RBFOX3: variants seen among roughly 807,000 people sequenced by gnomAD.
The protein encoded by RBFOX3 is RNA binding protein fox-1 homolog 3.
In RBFOX3, 17 loss-of-function variants were observed where a neutral mutation model predicts 48.7. The ratio of observed to expected loss-of-function variants is 0.35; its 90% CI spans 0.24 to 0.52. The LOEUF is 0.52. Ranked by LOEUF, RBFOX3 falls within the 20% of genes least tolerant of loss-of-function variation. RBFOX3 has a pLI of 0.94. For synonymous variants in RBFOX3, 212 were observed against 209.5 expected (o/e 1.01, Z -0.10); for missense variants, 382 against 497.5 (o/e 0.77, Z 2.21).
chr17:79,263,174 T>G (rs1188175021), intron 3 of RBFOX3, among the ~76,000 whole-genome samples: 1 of 152,212 alleles, frequency 6.6e-6, no homozygotes, highest in African/African-American at 2.4e-5. Flanking sequence ...CCCCCCCGGC[T>G]GTGCTGCCTC....
chr17:79,494,853 G>A (rs1319227378), intron 1 of RBFOX3, among the ~76,000 whole-genome samples: 2 of 152,194 alleles, frequency 1.3e-5, no homozygotes, highest in African/African-American at 4.8e-5. Flanking sequence ...GCCACAGCCT[G>A]AGATAGCCAC....
At chr17:79,565,211 G>C (rs2092410726) in intron 1 of RBFOX3, among the ~76,000 whole-genome samples, 1 of 152,042 alleles carries the variant, frequency 6.6e-6, no homozygotes, top group Admixed American at 6.5e-5. Flanking sequence ...GAAGATTAAG[G>C]TAAGGTTATG....
rs11330992 is a variant in RBFOX3 at position 79,390,478 on chromosome 17, CT to C, written c.-174-82655del. On this transcript the variant is annotated intron_variant, in intron 2 of 14. Coordinates refer to ENST00000693108, the MANE Select transcript of RBFOX3 (RefSeq NM_001350451.2). This position sits in a 1 kb window ranked among gnomAD's most constrained non-coding sequence, Gnocchi z 4.2. ...TGGAAATACAGTCTTTGCGCCACTG[CT>C]TTTTTTTTTTTTTTTTAGATGGAGT... 0.53 allele frequency among the ~76,000 whole-genome samples: 75,265 copies of C among 141,126 alleles called. 20,273 individuals carry two copies. Among genetic ancestry groups the C allele is most frequent in the Middle Eastern group, 0.65 (173 of 266 alleles). The allele number at this position is 141,126 out of a possible 152,430, so 92.6% of individuals were successfully genotyped here.
chr17:79,135,136 C>T (rs1399773675), intron 4 of RBFOX3: 2 of 152,276 alleles, frequency 1.3e-5, no homozygotes, highest in Non-Finnish European at 2.9e-5. Flanking sequence ...GCAGCAGGTG[C>T]TCTCTGCTTC....
chr17:79,510,583 A>G (rs1180489086), intron 1 of RBFOX3, among the ~76,000 whole-genome samples: 11 of 152,162 alleles, frequency 7.2e-5, no homozygotes, highest in Non-Finnish European at 1.3e-4. Flanking sequence ...AATTACAGCA[A>G]GTGATTAACA....
At position 79,191,137 on chromosome 17, in the gene RBFOX3, T is replaced by C. The variant is rs117334179; in HGVS notation, c.-34+44629A>G. On this transcript the variant is annotated intron_variant, in intron 4 of 14. Coordinates refer to ENST00000693108, the MANE Select transcript of RBFOX3 (RefSeq NM_001350451.2). ...CAAGGGTCCACCTCCAGCAGTGAAG[T>C]GGCTGGGTGCTCCCATTTGCCATCA... 4.7e-4 allele frequency among the ~76,000 whole-genome samples: 71 copies of C among 152,300 alleles called. 1 individual carries two copies. The East Asian group carries it at 0.013, about 28-fold the overall frequency.
At chr17:79,465,464 G>A (rs1277265989) in intron 2 of RBFOX3, among the ~76,000 whole-genome samples, 2 of 152,106 alleles carry the variant, frequency 1.3e-5, no homozygotes, top group Non-Finnish European at 1.5e-5. Context: ...AGATGGCAGC[G>A]TGGGCGTTAG....
Position 79,446,614 on chromosome 17 carries a change from C to T in RBFOX3, c.-175+35840G>A, listed in dbSNP as rs147247365. On this transcript the variant is annotated intron_variant, in intron 2 of 14. Coordinates refer to ENST00000693108, the MANE Select transcript of RBFOX3 (RefSeq NM_001350451.2). ...ACCCAGGAGTGACTGCCCATTTCCACGGCAATGACCCATGACCCACAACTC... is the reference window on the plus strand; with the variant it reads ...ACCCAGGAGTGACTGCCCATTTCCATGGCAATGACCCATGACCCACAACTC... Among the ~76,000 whole-genome samples, 734 of 152,328 alleles carry T rather than the reference C, an allele frequency of 4.8e-3. 6 individuals carry two copies. The highest frequency in any genetic ancestry group is 0.016 in the African/African-American group (681 of 41,578).
chr17:79,356,932 A>G (rs978755825), intron 2 of RBFOX3, among the ~76,000 whole-genome samples: 4 of 152,098 alleles, frequency 2.6e-5, no homozygotes, highest in African/African-American at 7.2e-5. Flanking sequence ...TGAGCCTCCC[A>G]GTGGCACTGA....
rs1431253227 is a variant in RBFOX3, at chr17:79,210,832, T to C, written c.-34+24934A>G. On this transcript the variant is annotated intron_variant, in intron 4 of 14. Coordinates refer to ENST00000693108, the MANE Select transcript of RBFOX3 (RefSeq NM_001350451.2). ...AATGAGGGTGCCGAGTTTTGGAGTT[T>C]CCAACACCTTCTCCAGCGTCCGGTG... 7.3e-5 allele frequency among the ~76,000 whole-genome samples: 11 copies of C among 150,974 alleles called. No homozygotes were observed. In the East Asian group the frequency reaches 1.9e-3, roughly 27 times the overall value.
chr17:79,213,656 G>A (rs1177598618), intron 4 of RBFOX3, among the ~76,000 whole-genome samples: 17 of 152,160 alleles, frequency 1.1e-4, no homozygotes, highest in Admixed American at 4.6e-4. Flanking sequence ...AGCCTTCCCC[G>A]GGGACTGCGA....
intron 1 of RBFOX3, among the ~76,000 whole-genome samples, chr17:79,488,045 C>T (rs1225734783): frequency 2.0e-5 from 3 of 151,966 alleles, no homozygotes; most frequent in African/African-American, 4.8e-5. Context: ...AATGAACTTC[C>T]CATTCTACAT....
intron 2 of RBFOX3, among the ~76,000 whole-genome samples, chr17:79,370,947 A>C (rs1213654506): frequency 6.6e-6 from 1 of 152,194 alleles, no homozygotes; most frequent in Non-Finnish European, 1.5e-5. Flanking sequence ...GAACACCTGG[A>C]GCTCCCAGCA....
At chr17:79,223,342 C>T (rs528913113) in intron 4 of RBFOX3, among the ~76,000 whole-genome samples, 12 of 152,346 alleles carry the variant, frequency 7.9e-5, no homozygotes, top group Admixed American at 7.8e-4. Flanking sequence ...TATCTGCACA[C>T]ACACACATGC....
intron 2 of RBFOX3, among the ~76,000 whole-genome samples, chr17:79,315,193 G>A (rs532438982): frequency 9.6e-4 from 146 of 152,248 alleles, no homozygotes; most frequent in African/African-American, 3.3e-3. Context: ...TGACGTACAC[G>A]ATGGAGTGAT....
chr17:79,619,354 T>TG, the RBFOX3 span, among the ~76,000 whole-genome samples: 1 of 152,162 alleles, frequency 6.6e-6, no homozygotes, highest in Non-Finnish European at 1.5e-5. Flanking sequence ...AAGGTGTCAG[T>TG]GGGGCCAGGC....
At chr17:79,383,112 T>G (rs2060140027) in intron 2 of RBFOX3, among the ~76,000 whole-genome samples, 1 of 150,868 alleles carries the variant, frequency 6.6e-6, no homozygotes, top group African/African-American at 2.5e-5. Flanking sequence ...ACCAGAGCCC[T>G]GGGGTCCAGT....
intron 2 of RBFOX3, among the ~76,000 whole-genome samples, chr17:79,449,000 C>G (rs1475906678): frequency 6.6e-6 from 1 of 152,048 alleles, no homozygotes. Context: ...CCCTGTGGAC[C>G]CTCACGTCTG....
chr17:79,097,215 T>A, intron 11 of RBFOX3, 77 bp downstream of exon 11: 3 of 1,037,794 alleles, frequency 2.9e-6, no homozygotes, highest in Non-Finnish European at 3.9e-6. Context: ...CCCCTCGCAC[T>A]GCGCAGGGCC....
Sources: allele counts gnomAD v4.1 joint callset (sites outside exome capture counted in the v4.1 genomes callset), GRCh38; gene constraint gnomAD v4.1.1; non-coding constraint Gnocchi (gnomAD v3.1); transcripts MANE v1.5; gene names NCBI Gene and HGNC (gene_info 2026-07-23, HGNC 2026-07-21).